The following TRAF3IP1 variants were observed in gnomAD, a reference collection of about 807,000 sequenced individuals.
TRAF3IP1 encodes TRAF3-interacting protein 1.
In TRAF3IP1, 53 loss-of-function variants were observed where a neutral mutation model predicts 89.9. That is an observed-to-expected ratio of 0.59 (90% CI 0.47 to 0.74). The LOEUF (loss-of-function observed/expected upper bound fraction) is 0.74, where lower values mean the gene tolerates loss of function less well. Ranked by LOEUF, TRAF3IP1 falls within the 30% of genes least tolerant of loss-of-function variation. The pLI, the probability that TRAF3IP1 is intolerant of heterozygous loss-of-function variation, is 0.00. For missense variants in TRAF3IP1, 806 were observed against 866.1 expected (o/e 0.93, Z 0.87); for synonymous variants, 311 against 322.1 (o/e 0.97, Z 0.37).
intron 15 of TRAF3IP1, among the ~76,000 whole-genome samples, chr2:238,389,401 G>A (rs1485984846): frequency 2.0e-5 from 3 of 151,098 alleles, no homozygotes; most frequent in African/African-American, 7.3e-5. Flanking sequence ...GGAGTACTCA[G>A]TGTCTATTAT....
intron 15 of TRAF3IP1, among the ~76,000 whole-genome samples, chr2:238,387,282 G>A (rs1700812394): frequency 1.3e-5 from 2 of 152,158 alleles, no homozygotes; most frequent in African/African-American, 4.8e-5. Context: ...TAAGTAATTC[G>A]TCTAATGAGC....
chr2:238,350,524 G>A (rs1437295368), intron 12 of TRAF3IP1, among the ~76,000 whole-genome samples: 1 of 152,210 alleles, frequency 6.6e-6, no homozygotes, highest in Non-Finnish European at 1.5e-5. Flanking sequence ...GGCTAGTGAA[G>A]AGACTGGAGC....
intron 8 of TRAF3IP1, among the ~76,000 whole-genome samples, chr2:238,339,037 G>A (rs1698512303): frequency 1.3e-5 from 2 of 152,184 alleles, no homozygotes; most frequent in African/African-American, 4.8e-5. Context: ...TTCACTTAAG[G>A]TAAAAATAGT....
intron 9 of TRAF3IP1, 59 bp from the exon 10 acceptor site, chr2:238,347,389 TCTCATCA>T: frequency 6.5e-7 from 1 of 1,549,390 alleles, no homozygotes; most frequent in East Asian, 2.2e-5. Flanking sequence ...CCAATTCTGT[TCTCATCA>T]TTTAATGTAT....
At chr2:238,342,974 A>ATTTTTGTCT (rs965061805) in intron 8 of TRAF3IP1, among the ~76,000 whole-genome samples, 2 of 152,086 alleles carry the variant, frequency 1.3e-5, no homozygotes, top group African/African-American at 4.8e-5. Flanking sequence ...TTACAATTTT[A>ATTTTTGTCT]TTTTTGTCTC....
rs561231086 is a variant in TRAF3IP1, at chr2:238,349,267, G to C, written c.1368-58G>C. 16 of 1,525,000 alleles carry C rather than the reference G, an allele frequency of 1.0e-5. No individual in the cohort carries two copies. In the South Asian group the frequency reaches 1.2e-4, roughly 11 times the overall value. 94.5% of individuals were successfully genotyped at this position (1,525,000 alleles called of 1,614,324 possible). ...ACATTCACCTGGGCTTTCTTTTCCA[G>C]TTTGAAATGTATAAGCCTTTCATAC... On this transcript the variant is annotated intron_variant, in intron 11 of 16. Transcript: ENST00000373327.
At chr2:238,376,709 T>G (rs1377974717) in intron 15 of TRAF3IP1, among the ~76,000 whole-genome samples, 1 of 152,216 alleles carries the variant, frequency 6.6e-6, no homozygotes, top group African/African-American at 2.4e-5. Flanking sequence ...TTATAAATAC[T>G]GTATATTTAT....
intron 9 of TRAF3IP1, 128 bp from the exon 10 acceptor site, chr2:238,347,327 T>C: frequency 1.1e-6 from 1 of 934,922 alleles, no homozygotes; most frequent in Non-Finnish European, 1.7e-6. Context: ...TATGAGGAAA[T>C]GATCTTTTTT....
chr2:238,322,110 C>T (rs984693507), intron 1 of TRAF3IP1, among the ~76,000 whole-genome samples: 2 of 152,094 alleles, frequency 1.3e-5, no homozygotes, highest in Non-Finnish European at 2.9e-5. Flanking sequence ...GTGGATAGCC[C>T]GGTGGGAGGG....
At chr2:238,384,175 G>T (rs1488445826) in intron 15 of TRAF3IP1, among the ~76,000 whole-genome samples, 1 of 151,964 alleles carries the variant, frequency 6.6e-6, no homozygotes, top group Non-Finnish European at 1.5e-5. Context: ...ACAAGATCTG[G>T]GGCACTCGTG....
At chr2:238,356,751 G>T (rs1699427925) in intron 15 of TRAF3IP1, among the ~76,000 whole-genome samples, 2 of 151,726 alleles carry the variant, frequency 1.3e-5, no homozygotes, top group South Asian at 4.2e-4. Flanking sequence ...CCTGATCCTG[G>T]CTGATTGCAA....
intron 15 of TRAF3IP1, among the ~76,000 whole-genome samples, chr2:238,395,740 AAAG>A (rs1302000865): frequency 6.6e-6 from 1 of 152,226 alleles, no homozygotes; most frequent in Non-Finnish European, 1.5e-5. Context: ...ACACTTCTCA[AAAG>A]AAGACATTTA....
chr2:238,356,221 G>C lies in TRAF3IP1; in HGVS notation c.1689+141G>C, dbSNP rs1574933968. On this transcript the variant is annotated intron_variant, in intron 15 of 16. Coordinates refer to ENST00000373327, the MANE Select transcript of TRAF3IP1 (RefSeq NM_015650.4). Reference sequence around the variant, plus strand: ...ATATTTAAATGCCATTCCTGGCCAGGCATGGTGGCTCACGCCTGCAATCCC... The same window carrying C: ...ATATTTAAATGCCATTCCTGGCCAGCCATGGTGGCTCACGCCTGCAATCCC... 16 of 771,418 alleles carry C rather than the reference G, an allele frequency of 2.1e-5. No individual in the cohort carries two copies. In the East Asian group the frequency reaches 4.4e-4, roughly 21 times the overall value. 47.8% of individuals were successfully genotyped at this position (771,418 alleles called of 1,614,324 possible).
chr2:238,325,048 A>C (rs1697753509), intron 1 of TRAF3IP1, among the ~76,000 whole-genome samples: 1 of 152,204 alleles, frequency 6.6e-6, no homozygotes, highest in Admixed American at 6.5e-5. Context: ...TTAGGTACCA[A>C]GCCTGAGTGC....
intron 15 of TRAF3IP1, among the ~76,000 whole-genome samples, chr2:238,396,630 A>G (rs1044309685): frequency 6.6e-6 from 1 of 152,194 alleles, no homozygotes. Context: ...AGTTTCTGAC[A>G]TTCAGAGATG....
At chr2:238,349,004 A>G (rs1042711403) in intron 11 of TRAF3IP1, among the ~76,000 whole-genome samples, 156 bp downstream of exon 11, 1 of 152,210 alleles carries the variant, frequency 6.6e-6, no homozygotes, top group African/African-American at 2.4e-5. Context: ...AGTTTTCTGT[A>G]CTGGAGTTAT....
chr2:238,371,332 A>G (rs1309266335), intron 15 of TRAF3IP1, among the ~76,000 whole-genome samples: 1 of 152,146 alleles, frequency 6.6e-6, no homozygotes, highest in Non-Finnish European at 1.5e-5. Context: ...TCCTACAAGT[A>G]TATTGTACAT....
chr2:238,375,322 A>G (rs1700270912), intron 15 of TRAF3IP1, among the ~76,000 whole-genome samples: 2 of 152,188 alleles, frequency 1.3e-5, no homozygotes, highest in African/African-American at 4.8e-5. Context: ...AGATTCCGGT[A>G]TGTTGTGTCT....
intron 15 of TRAF3IP1, among the ~76,000 whole-genome samples, chr2:238,381,432 G>A (rs1267895770): frequency 2.0e-5 from 3 of 152,186 alleles, no homozygotes; most frequent in African/African-American, 7.2e-5. Flanking sequence ...TTTGATTCTT[G>A]TTCCCTGCTG....
Sources: gnomAD v4.1 joint callset for allele counts (sites outside exome capture counted in the v4.1 genomes callset) on GRCh38, gnomAD v4.1.1 for gene constraint, MANE v1.5 for transcripts, NCBI Gene and HGNC (gene_info 2026-07-23, HGNC 2026-07-21) for gene names.